LRRK2: variants seen among roughly 807,000 people sequenced by gnomAD.
LRRK2 encodes leucine-rich repeat serine/threonine-protein kinase 2.
Under a neutral mutation model 302.6 loss-of-function variants are expected in LRRK2, and 203 were observed. That is an observed-to-expected ratio of 0.67 (90% CI 0.60 to 0.75). The LOEUF (loss-of-function observed/expected upper bound fraction) is 0.75. LRRK2 is among the 30% of genes least tolerant of loss of function. The pLI is 0.00. For missense variants in LRRK2, 2,830 were observed against 2,951.0 expected, an observed-to-expected ratio of 0.96 and a Z score of 0.95; for synonymous variants, 1,066 against 1,031.9, an observed-to-expected ratio of 1.03 and a Z score of -0.63.
At chr12:40,250,868 A>G (rs1942233642) in intron 8 of LRRK2, among the ~76,000 whole-genome samples, 1 of 152,202 alleles carries the variant, frequency 6.6e-6, no homozygotes, top group Non-Finnish European at 1.5e-5. Flanking sequence ...ATAGTATTCC[A>G]TGGTATATAT....
intron 33 of LRRK2, among the ~76,000 whole-genome samples, chr12:40,319,504 G>T (rs933475157): frequency 1.3e-5 from 2 of 152,026 alleles, no homozygotes; most frequent in African/African-American, 4.8e-5. Context: ...CCATCAAAAT[G>T]CAGTAGTTAC....
intron 41 of LRRK2, among the ~76,000 whole-genome samples, chr12:40,345,140 T>C (rs891879632): frequency 5.3e-5 from 8 of 152,204 alleles, no homozygotes; most frequent in Non-Finnish European, 1.2e-4. Flanking sequence ...GGCTGCATAT[T>C]TAAATTACTT....
At position 40,335,194 on chromosome 12, in the gene LRRK2, C is replaced by T. The variant is rs778971374; in HGVS notation, c.5948+37C>T. The T allele has an allele frequency of 4.4e-6, 7 of 1,606,432 alleles. No homozygotes were observed. In the South Asian group the frequency reaches 5.5e-5, roughly 13 times the overall value. On this transcript the variant is annotated intron_variant, in intron 40 of 50. Coordinates refer to ENST00000298910, the MANE Select transcript of LRRK2 (RefSeq NM_198578.4). ...ATGTTGTTTTCTATTCAGTGCATGA[C>T]AAGTGTGATCCAGACTTGCTCTCAG...
intron 35 of LRRK2, among the ~76,000 whole-genome samples, chr12:40,321,618 T>C (rs1447561033): frequency 6.6e-6 from 1 of 152,118 alleles, no homozygotes; most frequent in Admixed American, 6.6e-5. Context: ...AAAATTAGCT[T>C]TACACAGGTG....
rs113272586 is a variant in LRRK2, at chr12:40,298,778, AATAT to A, written c.3347+303_3347+306del. Among the ~76,000 whole-genome samples, 12 of 60,646 alleles carry A rather than the reference AATAT, an allele frequency of 2.0e-4. 1 individual carries two copies. The highest frequency in any genetic ancestry group is 4.4e-4 in the African/African-American group (7 of 16,018). 39.8% of individuals were successfully genotyped at this position (60,646 alleles called of 152,430 possible). A position where few individuals can be genotyped will look rare whatever the true frequency, so the allele number is the denominator to read the frequency against. ...CAGAGGCGAGACTCTGTCTCAAAGA[AATAT>A]ATATATATATATATATAATATATGT... On this transcript the variant is annotated intron_variant, in intron 24 of 50. Coordinates refer to ENST00000298910, the MANE Select transcript of LRRK2 (RefSeq NM_198578.4).
intron 5 of LRRK2, among the ~76,000 whole-genome samples, chr12:40,238,317 C>T (rs1490704402): frequency 1.3e-5 from 2 of 151,866 alleles, no homozygotes; most frequent in African/African-American, 4.8e-5. Flanking sequence ...TAAATCATGC[C>T]CCTGGAGTAG....
intron 29 of LRRK2, 79 bp from the exon 30 acceptor site, chr12:40,309,027 C>A: frequency 6.9e-7 from 1 of 1,444,504 alleles, no homozygotes; most frequent in Non-Finnish European, 9.6e-7. Flanking sequence ...TAGTATTATT[C>A]TCCCAGATTT....
chr12:40,276,986 AC>A (rs1024797112), intron 16 of LRRK2, among the ~76,000 whole-genome samples: 7 of 152,098 alleles, frequency 4.6e-5, no homozygotes, highest in Admixed American at 6.5e-5. Context: ...AGCTGGGACT[AC>A]AGGTGCATGC....
At chr12:40,315,447 A>G (rs1161809453) in intron 33 of LRRK2, 147 bp downstream of exon 33, 2 of 714,410 alleles carry the variant, frequency 2.8e-6, no homozygotes, top group African/African-American at 1.8e-5. Flanking sequence ...TTCACATAGA[A>G]GACTACTTGA....
Position 40,346,830 on chromosome 12 carries a change from C to T in LRRK2, c.6187C>T (p.Leu2063Phe), listed in dbSNP as rs1028678558. The change falls in exon 42 of 51, where the codon CTC becomes TTC. Residue 2063 changes from leucine (L) to phenylalanine (F), a missense_variant. Around this residue, in one of 3 missense-constraint regions of LRRK2, gnomAD observed 253 missense variants for 346.7 expected, o/e 0.73. Transcript: ENST00000298910. ...QADVYSFGLL[L>F]YDILTTGGRI... The stretch of plus-strand genomic sequence containing the variant: ...TGATGTTTATTCATTTGGTTTACTA[C>T]TCTATGACATTTTGACAACTGGAGG... The T allele has an allele frequency of 6.2e-7, 1 of 1,612,934 alleles. No individual in the cohort carries two copies. Among genetic ancestry groups the T allele is most frequent in the Non-Finnish European group, 8.5e-7 (1 of 1,178,954 alleles).
intron 18 of LRRK2, among the ~76,000 whole-genome samples, chr12:40,278,572 T>G (rs1490769586): frequency 2.0e-5 from 3 of 152,208 alleles, no homozygotes; most frequent in Non-Finnish European, 4.4e-5. Flanking sequence ...ACATAACACA[T>G]AGTTCTAATG....
intron 3 of LRRK2, among the ~76,000 whole-genome samples, chr12:40,235,392 C>T (rs936878666): frequency 2.6e-5 from 4 of 152,170 alleles, no homozygotes; most frequent in Non-Finnish European, 4.4e-5. Context: ...GGATTGCTCA[C>T]TTGAGCCCAG....
At chr12:40,259,388 T>C (rs775865848) in intron 12 of LRRK2, 92 bp from the exon 13 acceptor site, 45 of 1,467,066 alleles carry the variant, frequency 3.1e-5, no homozygotes, top group Non-Finnish European at 4.0e-5. Flanking sequence ...TAAAATATAT[T>C]GGTTCTGCCC....
intron 18 of LRRK2, 72 bp downstream of exon 18, chr12:40,278,333 A>T: frequency 6.5e-7 from 1 of 1,531,948 alleles, no homozygotes; most frequent in Non-Finnish European, 9.0e-7. Flanking sequence ...GCCATTGTGT[A>T]TCTCTTACTT....
chr12:40,305,083 T>C (rs927295320), intron 27 of LRRK2: 2 of 152,304 alleles, frequency 1.3e-5, no homozygotes, highest in African/African-American at 4.8e-5. Flanking sequence ...TGGATCAACC[T>C]TTTTTGTTTT....
chr12:40,287,266 C>T, intron 19 of LRRK2, 85 bp from the exon 20 acceptor site: 1 of 1,143,026 alleles, frequency 8.7e-7, no homozygotes, highest in South Asian at 1.3e-5. Context: ...AGAAGCATAG[C>T]AATACGTAAG....
chr12:40,231,951 C>G, intron 2 of LRRK2, among the ~76,000 whole-genome samples: 1 of 151,628 alleles, frequency 6.6e-6, no homozygotes. Flanking sequence ...TTACAGGCGC[C>G]CATCACCATG....
In LRRK2 at chr12:40,251,369, G is replaced by T. The variant is rs113065049; in HGVS notation, c.1096G>T (p.Val366Leu). ...AACGTGGCATAGAAAGAACAAGCACGTGCAGGTAGGACTCTCATAAATATT... is the reference window on the plus strand; with the variant it reads ...AACGTGGCATAGAAAGAACAAGCACTTGCAGGTAGGACTCTCATAAATATT... ...ALTWHRKNKH[V>L]QEAACWALNN... The change falls in exon 9 of 51, where the codon GTG becomes TTG. Residue 366 changes from valine (V) to leucine (L), a missense_variant. Around this residue, in one of 3 missense-constraint regions of LRRK2, gnomAD observed 2,121 missense variants for 2,148.0 expected, o/e 0.99. Coordinates refer to ENST00000298910, the MANE Select transcript of LRRK2 (RefSeq NM_198578.4). 1.9e-6 allele frequency: 3 copies of T among 1,613,848 alleles called. No individual in the cohort carries two copies. Among genetic ancestry groups the T allele is most frequent in the Admixed American group, 1.7e-5 (1 of 59,996 alleles).
intron 7 of LRRK2, among the ~76,000 whole-genome samples, chr12:40,245,046 T>G (rs535057213): frequency 2.0e-5 from 3 of 151,794 alleles, no homozygotes; most frequent in Non-Finnish European, 4.4e-5. Context: ...TTGTAGCATG[T>G]CTTTTCACCG....
Sources: gnomAD v4.1 joint callset for allele counts (sites outside exome capture counted in the v4.1 genomes callset) on GRCh38, gnomAD v4.1.1 for gene constraint, gnomAD v4.1.1 regional missense constraint, MANE v1.5 for transcripts, NCBI Gene and HGNC (gene_info 2026-07-23, HGNC 2026-07-21) for gene names.